Variants in CSMD1 observed in about 807,000 individuals in gnomAD.
The protein encoded by CSMD1 is CUB and Sushi multiple domains 1.
CSMD1 carries 213 observed loss-of-function variants against 417.5 expected under a neutral mutation model. The ratio of observed to expected loss-of-function variants is 0.51; its 90% CI spans 0.46 to 0.57. The LOEUF (loss-of-function observed/expected upper bound fraction) is 0.57. Ranked by LOEUF, CSMD1 falls within the 20% of genes least tolerant of loss-of-function variation. The probability of loss-of-function intolerance (pLI) is 0.00; values close to 1 mark genes in which losing one functional copy is unlikely to be tolerated. For missense variants in CSMD1, 6,923 were observed against 4,529.7 expected (o/e 1.53, Z -15.17); for synonymous variants, 2,862 against 1,736.8 (o/e 1.65, Z -16.11).
At chr8:4,078,884 A>G (rs1439776391) in intron 3 of CSMD1, among the ~76,000 whole-genome samples, 2 of 128,474 alleles carry the variant, frequency 1.6e-5, no homozygotes, top group Non-Finnish European at 1.6e-5. Flanking sequence ...AAAATTAATA[A>G]TAATAATAAT....
chr8:4,724,502 G>C (rs1302680791), intron 1 of CSMD1, among the ~76,000 whole-genome samples: 1 of 144,600 alleles, frequency 6.9e-6, no homozygotes, highest in Non-Finnish European at 1.5e-5. Context: ...TACTAATATA[G>C]TAGCTCTTTA....
At chr8:4,161,031 C>T (rs1265090879) in intron 3 of CSMD1, among the ~76,000 whole-genome samples, 1 of 151,804 alleles carries the variant, frequency 6.6e-6, no homozygotes. Context: ...CATTAAATCA[C>T]GGCACTTCTT....
intron 3 of CSMD1, among the ~76,000 whole-genome samples, chr8:4,128,580 C>A (rs367716550): frequency 2.9e-4 from 44 of 152,304 alleles, no homozygotes; most frequent in African/African-American, 1.0e-3. Flanking sequence ...TAGCTTATCT[C>A]CAAACCTTCA....
intron 2 of CSMD1, among the ~76,000 whole-genome samples, chr8:4,576,690 G>C (rs1428896409): frequency 6.6e-6 from 1 of 152,096 alleles, no homozygotes; most frequent in African/African-American, 2.4e-5. Context: ...TCAGTCATAA[G>C]TAGCTAGAAG....
intron 12 of CSMD1, among the ~76,000 whole-genome samples, chr8:3,419,722 A>G (rs1351210854): frequency 6.6e-6 from 1 of 152,218 alleles, no homozygotes; most frequent in African/African-American, 2.4e-5. Context: ...CAAATACCAA[A>G]TAGCCAACAT....
intron 5 of CSMD1, among the ~76,000 whole-genome samples, chr8:3,766,226 C>G (rs1343626611): frequency 6.6e-6 from 1 of 152,130 alleles, no homozygotes; most frequent in Non-Finnish European, 1.5e-5. Flanking sequence ...CTTTCTTCTG[C>G]CGGATGAGAG....
At chr8:4,644,480 C>A (rs559336594) in intron 1 of CSMD1, among the ~76,000 whole-genome samples, 14 of 152,148 alleles carry the variant, frequency 9.2e-5, no homozygotes, top group African/African-American at 3.4e-4. Context: ...TATCTTAGCT[C>A]ACTGCAGCCT....
chr8:4,502,189 A>G lies in CSMD1; in HGVS notation c.303-82124T>C, dbSNP rs150791600. On this transcript the variant is annotated intron_variant, in intron 2 of 69. Transcript: ENST00000635120. ...CCTAAAACAGTAATCATTCTTATGAACAGAAACATTTTTTTTTTACTATTG... is the reference window on the plus strand; with the variant it reads ...CCTAAAACAGTAATCATTCTTATGAGCAGAAACATTTTTTTTTTACTATTG... Among the ~76,000 whole-genome samples the G allele has an allele frequency of 5.3e-3, 813 of 152,278 alleles. 8 individuals carry two copies. Among genetic ancestry groups the G allele is most frequent in the African/African-American group, 0.018 (764 of 41,546 alleles).
chr8:4,470,763 C>A (rs987260845), intron 2 of CSMD1, among the ~76,000 whole-genome samples: 1 of 152,112 alleles, frequency 6.6e-6, no homozygotes, highest in South Asian at 2.1e-4. Flanking sequence ...CTTAATTGGA[C>A]CCAGATTATT....
intron 30 of CSMD1, among the ~76,000 whole-genome samples, chr8:3,209,233 C>A (rs1324614258): frequency 6.6e-6 from 1 of 152,170 alleles, no homozygotes; most frequent in African/African-American, 2.4e-5. Flanking sequence ...ACGTTTCATA[C>A]ATGAACAACA....
At chr8:3,350,805 A>G (rs1380047160) in intron 21 of CSMD1, among the ~76,000 whole-genome samples, 5 of 152,190 alleles carry the variant, frequency 3.3e-5, no homozygotes, top group Non-Finnish European at 5.9e-5. Flanking sequence ...CTAAACCAAA[A>G]GAAATAATTT....
chr8:3,331,924 G>A (rs1313550319), intron 23 of CSMD1, among the ~76,000 whole-genome samples: 2 of 152,130 alleles, frequency 1.3e-5, no homozygotes, highest in African/African-American at 4.8e-5. Context: ...ATTGTTGACA[G>A]GTGACTGATA....
chr8:3,298,312 A>C (rs546107439), intron 25 of CSMD1, among the ~76,000 whole-genome samples: 1 of 152,342 alleles, frequency 6.6e-6, no homozygotes, highest in East Asian at 1.9e-4. Flanking sequence ...GTTTGCATTA[A>C]CTCCAAACTG....
intron 1 of CSMD1, among the ~76,000 whole-genome samples, chr8:4,696,547 T>C (rs1016926365): frequency 6.6e-6 from 1 of 152,178 alleles, no homozygotes; most frequent in Non-Finnish European, 1.5e-5. Flanking sequence ...GCCCCTAATA[T>C]TTGGGGAGGC....
chr8:4,382,489 C>T (rs1053840118), intron 3 of CSMD1, among the ~76,000 whole-genome samples: 5 of 152,110 alleles, frequency 3.3e-5, no homozygotes, highest in African/African-American at 1.2e-4. Context: ...TTCCAACCAC[C>T]TAAACTCTCT....
Position 3,520,039 on chromosome 8 carries a change from T to TATATATATATATATATAC in CSMD1, c.1345-26314_1345-26313insGTATATATATATATATAT, listed in dbSNP as rs545212684. ...ATATACCTATATATATATATATATA[T>TATATATATATATATATAC]ACACGTATAGTTGTGAAACTTGCTC... On this transcript the variant is annotated intron_variant, in intron 10 of 69. Transcript: ENST00000635120. Among the ~76,000 whole-genome samples, 1,415 of 146,998 alleles carry TATATATATATATATATAC rather than the reference T, an allele frequency of 9.6e-3. 23 individuals are homozygous for TATATATATATATATATAC. Among genetic ancestry groups the TATATATATATATATATAC allele is most frequent in the African/African-American group, 0.019 (732 of 38,640 alleles).
chr8:4,063,269 C>T (rs944751906), intron 3 of CSMD1, among the ~76,000 whole-genome samples: 8 of 129,618 alleles, frequency 6.2e-5, no homozygotes, highest in Non-Finnish European at 1.2e-4. Context: ...ACAGTTATTA[C>T]ATAGAACAAA....
intron 1 of CSMD1, among the ~76,000 whole-genome samples, chr8:4,838,046 T>C (rs1233721954): frequency 6.6e-6 from 1 of 152,152 alleles, no homozygotes; most frequent in African/African-American, 2.4e-5. Flanking sequence ...CAAGGCAGTG[T>C]GAATGGGTGA....
At chr8:4,957,539 G>C (rs1410019947) in intron 1 of CSMD1, among the ~76,000 whole-genome samples, 2 of 152,066 alleles carry the variant, frequency 1.3e-5, no homozygotes, top group African/African-American at 4.8e-5. Flanking sequence ...GCTTATATGA[G>C]AAATTCATTG....
Sources: gnomAD v4.1 joint callset for allele counts (sites outside exome capture counted in the v4.1 genomes callset) on GRCh38, gnomAD v4.1.1 for gene constraint, MANE v1.5 for transcripts, NCBI Gene and HGNC (gene_info 2026-07-23, HGNC 2026-07-21) for gene names.